VPS8: variants seen among roughly 807,000 people sequenced by gnomAD.
The protein encoded by VPS8 is VPS8 subunit of CORVET complex.
Under a neutral mutation model 216.4 loss-of-function variants are expected in VPS8, and 129 were observed. The ratio of observed to expected loss-of-function variants is 0.60; its 90% CI spans 0.52 to 0.69. The LOEUF (loss-of-function observed/expected upper bound fraction) is 0.69. Ranked by LOEUF, VPS8 falls within the 30% of genes least tolerant of loss-of-function variation. The probability of loss-of-function intolerance (pLI) is 0.00; values close to 1 mark genes in which losing one functional copy is unlikely to be tolerated. For missense variants in VPS8, 1,531 were observed against 1,683.5 expected, an observed-to-expected ratio of 0.91 and a Z score of 1.59; for synonymous variants, 571 against 565.4, an observed-to-expected ratio of 1.01 and a Z score of -0.14.
intron 36 of VPS8, chr3:184,944,733 A>G (rs1194992535): frequency 3.3e-6 from 1 of 303,804 alleles, no homozygotes; most frequent in Admixed American, 6.5e-5. Context: ...GTCACATTGT[A>G]TCTGAAAGTC....
At chr3:184,879,529 C>A (rs1729907701) in intron 21 of VPS8, among the ~76,000 whole-genome samples, 1 of 152,100 alleles carries the variant, frequency 6.6e-6, no homozygotes, top group African/African-American at 2.4e-5. Context: ...TAGACCAGGT[C>A]TGGCTGTATG....
At chr3:184,944,670 T>C in intron 36 of VPS8, 1 of 766,224 alleles carries the variant, frequency 1.3e-6, no homozygotes, top group Non-Finnish European at 1.6e-6. Flanking sequence ...AACAATATTC[T>C]GAAGGCCTCT....
chr3:184,943,338 C>T (rs960388359), intron 36 of VPS8, among the ~76,000 whole-genome samples: 4 of 152,164 alleles, frequency 2.6e-5, no homozygotes, highest in Non-Finnish European at 5.9e-5. Flanking sequence ...AAGAAGAAAG[C>T]GCAGAGCACA....
At chr3:184,866,710 T>C (rs1366497138) in intron 16 of VPS8, among the ~76,000 whole-genome samples, 166 bp from the exon 17 acceptor site, 3 of 152,218 alleles carry the variant, frequency 2.0e-5, no homozygotes, top group Non-Finnish European at 4.4e-5. Flanking sequence ...TTACAGTATA[T>C]GCCAAATATT....
At chr3:184,828,385 G>A (rs924771221) in intron 3 of VPS8, among the ~76,000 whole-genome samples, 2 of 151,846 alleles carry the variant, frequency 1.3e-5, no homozygotes, top group Admixed American at 6.6e-5. Context: ...GTGATCTGCG[G>A]GCCTCGGCCT....
At chr3:184,983,349 T>G (rs570372673) in intron 42 of VPS8, among the ~76,000 whole-genome samples, 1 of 152,228 alleles carries the variant, frequency 6.6e-6, no homozygotes, top group African/African-American at 2.4e-5. Flanking sequence ...TATTCCCTGT[T>G]GCCTTGGGAT....
chr3:185,049,020 A>C (rs1713593663), intron 47 of VPS8, among the ~76,000 whole-genome samples: 1 of 152,218 alleles, frequency 6.6e-6, no homozygotes, highest in South Asian at 2.1e-4. Flanking sequence ...GGGCACATCC[A>C]CGTACCTCCC....
chr3:184,894,980 T>A, intron 23 of VPS8, 55 bp downstream of exon 23: 1 of 1,432,744 alleles, frequency 7.0e-7, no homozygotes, highest in East Asian at 2.5e-5. Context: ...CCTTTATTGA[T>A]AACACTTACT....
intron 2 of VPS8, 47 bp downstream of exon 2, chr3:184,824,832 A>T (rs1718376591): frequency 2.0e-6 from 3 of 1,531,018 alleles, no homozygotes; most frequent in Non-Finnish European, 2.7e-6. Context: ...ACCAGTGTAG[A>T]TTAGAGTATG....
intron 25 of VPS8, among the ~76,000 whole-genome samples, chr3:184,908,894 G>A (rs924112588): frequency 6.6e-6 from 1 of 152,224 alleles, no homozygotes; most frequent in African/African-American, 2.4e-5. Context: ...GGCTGTAGCA[G>A]TATTGGAAAA....
chr3:184,996,441 C>A lies in VPS8; in HGVS notation c.3776C>A (p.Ser1259Tyr). The A allele has an allele frequency of 6.2e-7, 1 of 1,613,696 alleles. No homozygotes were observed. Among genetic ancestry groups the A allele is most frequent in the Non-Finnish European group, 8.5e-7 (1 of 1,179,782 alleles). The change falls in exon 44 of 48, where the codon TCT becomes TAT. Residue 1259 changes from serine to tyrosine, a missense_variant. Coordinates refer to ENST00000625842, the MANE Select transcript of VPS8 (RefSeq NM_001009921.3). The part of the protein sequence containing the change: ...RGLNPKQDYC[S>Y]ICLQQYKRRQ... ...CTGAATCCCAAACAAGATTACTGCT[C>A]TATATGTTTGCAGCAGTACAAGAGA...
At chr3:184,966,513 A>G (rs1334919227) in intron 38 of VPS8, among the ~76,000 whole-genome samples, 158 bp from the exon 39 acceptor site, 1 of 152,182 alleles carries the variant, frequency 6.6e-6, no homozygotes, top group Admixed American at 6.5e-5. Flanking sequence ...TGTACTTTCT[A>G]TAAACAGAAG....
intron 34 of VPS8, among the ~76,000 whole-genome samples, chr3:184,934,100 T>A (rs952708158): frequency 2.0e-5 from 3 of 152,178 alleles, no homozygotes; most frequent in Non-Finnish European, 4.4e-5. Flanking sequence ...AATCCTTTAT[T>A]TAATATCTTC....
chr3:184,874,920 G>A (rs1728973635), intron 21 of VPS8, among the ~76,000 whole-genome samples: 1 of 152,060 alleles, frequency 6.6e-6, no homozygotes, highest in Admixed American at 6.6e-5. Context: ...AGTATATAGT[G>A]GGTGGAAATC....
intron 46 of VPS8, among the ~76,000 whole-genome samples, chr3:185,035,898 A>G (rs949887180): frequency 6.6e-6 from 1 of 152,246 alleles, no homozygotes; most frequent in Non-Finnish European, 1.5e-5. Flanking sequence ...CTGATAAATG[A>G]CTTTAATACA....
At chr3:184,829,579 T>C (rs1480691857) in intron 3 of VPS8, among the ~76,000 whole-genome samples, 8 of 152,192 alleles carry the variant, frequency 5.3e-5, no homozygotes, top group Non-Finnish European at 1.5e-5. Flanking sequence ...GGTATAGTTA[T>C]ATTCAGCTTT....
intron 46 of VPS8, among the ~76,000 whole-genome samples, chr3:185,040,060 C>A: frequency 6.6e-6 from 1 of 152,132 alleles, no homozygotes; most frequent in East Asian, 1.9e-4. Context: ...TTTTAAACAA[C>A]CACCTCTCAT....
At chr3:184,930,928 A>G (rs1052335829) in intron 34 of VPS8, among the ~76,000 whole-genome samples, 10 of 152,208 alleles carry the variant, frequency 6.6e-5, no homozygotes, top group Admixed American at 5.9e-4. Context: ...AATTACTGCA[A>G]TGAGTTTTCT....
At chr3:184,948,142 A>G (rs1744017338) in intron 36 of VPS8, among the ~76,000 whole-genome samples, 1 of 152,178 alleles carries the variant, frequency 6.6e-6, no homozygotes, top group Admixed American at 6.5e-5. Flanking sequence ...TTTAATTATA[A>G]AAACCAGTTT....
Sources: gnomAD v4.1 joint callset for allele counts (sites outside exome capture counted in the v4.1 genomes callset) on GRCh38, gnomAD v4.1.1 for gene constraint, MANE v1.5 for transcripts, NCBI Gene and HGNC (gene_info 2026-07-23, HGNC 2026-07-21) for gene names.